CHD2: variants seen among roughly 807,000 people sequenced by gnomAD.
CHD2 encodes ATP-dependent chromatin remodeler CHD2.
In CHD2, 28 loss-of-function variants were observed where a neutral mutation model predicts 243.9. The observed-to-expected ratio is 0.11, with a 90% CI of 0.09 to 0.16. The LOEUF (loss-of-function observed/expected upper bound fraction) is 0.16. Ranked by LOEUF, CHD2 falls within the 10% of genes least tolerant of loss-of-function variation. CHD2 has a pLI of 1.00. For missense variants in CHD2, 1,386 were observed against 2,209.8 expected, an observed-to-expected ratio of 0.63 and a Z score of 7.47; for synonymous variants, 775 against 779.0, an observed-to-expected ratio of 0.99 and a Z score of 0.09.
chr15:92,904,546 A>G (rs1161824385), intron 2 of CHD2: 4 of 1,003,110 alleles, frequency 4.0e-6, no homozygotes, highest in Admixed American at 1.2e-4. Context: ...TCTTTCCTGG[A>G]CGCGTTTGCT....
At chr15:92,994,580 A>G (rs2054163543) in intron 28 of CHD2, among the ~76,000 whole-genome samples, 1 of 152,350 alleles carries the variant, frequency 6.6e-6, no homozygotes, top group East Asian at 1.9e-4. Flanking sequence ...AATACACCCA[A>G]AAGTAAACTT....
chr15:92,944,170 C>A (rs2053425993), intron 9 of CHD2: 1 of 282,600 alleles, frequency 3.5e-6, no homozygotes, highest in Non-Finnish European at 6.8e-6. Flanking sequence ...AGACAGGACA[C>A]ATCAGAGGCA....
intron 26 of CHD2, among the ~76,000 whole-genome samples, chr15:92,990,214 C>G (rs1011869790): frequency 2.6e-5 from 4 of 152,204 alleles, no homozygotes; most frequent in Non-Finnish European, 5.9e-5. Flanking sequence ...AACTCTCAAC[C>G]TCTTCTTTAC....
In CHD2 at chr15:92,940,980, T is replaced by C. The variant is rs1355070908; in HGVS notation, c.693-842T>C. Reference sequence around the variant, plus strand: ...ATATATATAAATATAAATATAAATATAAATATATATATAAATATATATATA... The same window carrying C: ...ATATATATAAATATAAATATAAATACAAATATATATATAAATATATATATA... On this transcript the variant is annotated intron_variant, in intron 7 of 38. Coordinates refer to ENST00000394196, the MANE Select transcript of CHD2 (RefSeq NM_001271.4). 1.1e-4 allele frequency among the ~76,000 whole-genome samples: 14 copies of C among 125,910 alleles called. No individual in the cohort carries two copies. The East Asian group carries it at 3.1e-3, about 28-fold the overall frequency. The allele number at this position is 125,910 out of a possible 152,430, so 82.6% of individuals were successfully genotyped here.
chr15:93,010,051 T>C (rs1020034615), intron 35 of CHD2, among the ~76,000 whole-genome samples: 3 of 152,234 alleles, frequency 2.0e-5, no homozygotes, highest in Admixed American at 1.3e-4. Flanking sequence ...GAGTCCGTTA[T>C]ATCATTTTTA....
At chr15:92,904,354 G>T in intron 2 of CHD2, 1 of 759,136 alleles carries the variant, frequency 1.3e-6, no homozygotes. Flanking sequence ...CAGGGTCAAC[G>T]GCGGCGCCTT....
intron 26 of CHD2, among the ~76,000 whole-genome samples, chr15:92,987,920 T>C (rs2141854904): frequency 6.6e-6 from 1 of 152,278 alleles, no homozygotes; most frequent in Middle Eastern, 3.4e-3. Context: ...TAGAACAATT[T>C]ACTTTGAATT....
intron 2 of CHD2, among the ~76,000 whole-genome samples, chr15:92,921,944 T>G (rs1420405108): frequency 6.6e-6 from 1 of 152,188 alleles, no homozygotes; most frequent in South Asian, 2.1e-4. Context: ...ACCTGCCTGG[T>G]CACAGGTATA....
rs1005181012 is a variant in CHD2 at position 93,024,880 on chromosome 15, T to C, written c.*175T>C. On this transcript the variant is annotated 3_prime_UTR_variant, in exon 39 of 39. Transcript: ENST00000394196. ...TGGGAGGCCTTTCACTGGGTCCAGC[T>C]CTGATTCGGGTCACCACTCCTGCAC... The C allele has an allele frequency of 6.6e-6, 4 of 610,276 alleles. No homozygotes were observed. Among genetic ancestry groups the C allele is most frequent in the Admixed American group, 6.6e-5 (2 of 30,164 alleles). The allele number at this position is 610,276 out of a possible 1,614,324, so 37.8% of individuals were successfully genotyped here. A position where few individuals can be genotyped will look rare whatever the true frequency, so the allele number is the denominator to read the frequency against.
chr15:92,982,771 G>A (rs1329284971), intron 24 of CHD2, among the ~76,000 whole-genome samples: 5 of 152,134 alleles, frequency 3.3e-5, no homozygotes, highest in Non-Finnish European at 7.4e-5. Context: ...TTCAATGGAA[G>A]AACAAGGATG....
intron 5 of CHD2, among the ~76,000 whole-genome samples, chr15:92,930,048 C>A (rs116036119): frequency 1.3e-5 from 2 of 152,084 alleles, no homozygotes; most frequent in Admixed American, 1.3e-4. Flanking sequence ...CCTGCTAGAG[C>A]GCATTCAGTT....
At chr15:92,909,311 C>A (rs1596366725) in intron 2 of CHD2, among the ~76,000 whole-genome samples, 1 of 152,116 alleles carries the variant, frequency 6.6e-6, no homozygotes, top group East Asian at 1.9e-4. Context: ...CCATTCTAAA[C>A]TTCCTTTCCC....
In CHD2 at chr15:92,971,621, C is replaced by G. The variant is rs77234773; in HGVS notation, c.2190-144C>G. On this transcript the variant is annotated intron_variant, in intron 17 of 38. Coordinates refer to ENST00000394196, the MANE Select transcript of CHD2 (RefSeq NM_001271.4). ...ATGTATGATTAGATGGCAGGAGATA[C>G]AAAAGAAAATATTCTTTGCTTCTTA... The G allele has an allele frequency of 5.3e-3, 2,889 of 542,070 alleles. 61 individuals are homozygous for G. The highest frequency in any genetic ancestry group is 0.051 in the African/African-American group (2,617 of 51,008). 33.6% of individuals were successfully genotyped at this position (542,070 alleles called of 1,614,324 possible).
Position 92,992,868 on chromosome 15 carries a change from C to T in CHD2, c.3465C>T (p.Cys1155=). ...KFGLPLERLE[C]IARDAELVDK... ...ATTTGTTCCTCCTCAGGCTGGAGTG[C>T]ATAGCACGTGATGCTGAGCTGGTAG... is the stretch of plus-strand genomic sequence containing the variant. The change falls in exon 28 of 39, where the codon TGC becomes TGT. Residue 1155 remains cysteine, a synonymous_variant. Transcript: ENST00000394196. The T allele has an allele frequency of 6.2e-7, 1 of 1,613,476 alleles. No individual in the cohort carries two copies. Among genetic ancestry groups the T allele is most frequent in the Non-Finnish European group, 8.5e-7 (1 of 1,180,010 alleles).
chr15:93,024,307 A>G (rs1567168460), intron 38 of CHD2, 65 bp from the exon 39 acceptor site: 1 of 1,399,142 alleles, frequency 7.1e-7, no homozygotes, highest in Non-Finnish European at 9.9e-7. Context: ...CCAAGTGGGT[A>G]GTGAAGAGAA....
chr15:92,988,331 T>C (rs2054071810), intron 26 of CHD2, among the ~76,000 whole-genome samples: 1 of 152,174 alleles, frequency 6.6e-6, no homozygotes, highest in African/African-American at 2.4e-5. Flanking sequence ...GTGATCGGTG[T>C]GCCTCGGCCT....
At chr15:92,915,281 T>G (rs2141724357) in intron 2 of CHD2, among the ~76,000 whole-genome samples, 1 of 150,870 alleles carries the variant, frequency 6.6e-6, no homozygotes, top group South Asian at 2.1e-4. Flanking sequence ...TAATTAAAGT[T>G]TTTTTTTTTT....
chr15:92,940,942 TATATAAATATAAATATATATAA>T lies in CHD2; in HGVS notation c.693-862_693-841del, dbSNP rs1567134536. The stretch of plus-strand genomic sequence containing the variant: ...TATACATATAAATATATATAAAATA[TATATAAATATAAATATATATAA>T]ATATAAATATAAATATAAATATATA... On this transcript the variant is annotated intron_variant, in intron 7 of 38. Coordinates refer to ENST00000394196, the MANE Select transcript of CHD2 (RefSeq NM_001271.4). 1.6e-3 allele frequency among the ~76,000 whole-genome samples: 213 copies of T among 133,814 alleles called. 5 individuals carry two copies. The highest frequency in any genetic ancestry group is 5.8e-3 in the African/African-American group (203 of 34,916). The allele number at this position is 133,814 out of a possible 152,430, so 87.8% of individuals were successfully genotyped here.
rs957678226 is a variant in CHD2 at position 92,971,671 on chromosome 15, T to G, written c.2190-94T>G. 1.7e-5 allele frequency: 19 copies of G among 1,097,350 alleles called. No individual in the cohort carries two copies. The African/African-American group carries it at 3.1e-4, about 18-fold the overall frequency. The allele number at this position is 1,097,350 out of a possible 1,614,324, so 68.0% of individuals were successfully genotyped here. The stretch of plus-strand genomic sequence containing the variant: ...AAACTTTTTTAGGCCTCTTTTTTTC[T>G]CCACAATACTACTACTATCTCTTAT... On this transcript the variant is annotated intron_variant, in intron 17 of 38. Coordinates refer to ENST00000394196, the MANE Select transcript of CHD2 (RefSeq NM_001271.4).
Sources: allele counts gnomAD v4.1 joint callset (sites outside exome capture counted in the v4.1 genomes callset), GRCh38; gene constraint gnomAD v4.1.1; transcripts MANE v1.5; gene names NCBI Gene and HGNC (gene_info 2026-07-23, HGNC 2026-07-21).